PCDHGA12: variants seen among roughly 807,000 people sequenced by gnomAD.
PCDHGA12 encodes the protein protocadherin gamma subfamily A, 12, also known as protocadherin gamma-A12.
Under a neutral mutation model 61.1 loss-of-function variants are expected in PCDHGA12, and 43 were observed. That is an observed-to-expected ratio of 0.70 (90% CI 0.55 to 0.91). The LOEUF (loss-of-function observed/expected upper bound fraction) is 0.91. Ranked by LOEUF, PCDHGA12 falls within the 40% of genes least tolerant of loss-of-function variation. The probability of loss-of-function intolerance (pLI) is 0.00; values close to 1 mark genes in which losing one functional copy is unlikely to be tolerated. For synonymous variants in PCDHGA12, 520 were observed against 542.9 expected, an observed-to-expected ratio of 0.96 and a Z score of 0.59; for missense variants, 1,236 against 1,227.7, an observed-to-expected ratio of 1.01 and a Z score of -0.10.
intron 1 of PCDHGA12, chr5:141,478,713 G>A (rs745990290): frequency 1.9e-6 from 3 of 1,546,642 alleles, no homozygotes; most frequent in African/African-American, 2.7e-5. Context: ...TTGTGAGATG[G>A]TGGCCTGCCA....
In PCDHGA12 at chr5:141,433,177, A is replaced by T; in HGVS notation, c.2418A>T (p.Leu806Phe). 1.9e-6 allele frequency: 3 copies of T among 1,608,174 alleles called. No homozygotes were observed. The Middle Eastern group carries it at 5.0e-4, about 267-fold the overall frequency. Reference sequence around the variant, plus strand: ...TATTTTCTAAAGACAGTCATGGGTTAATTGAGGTGAGTTTATATCAAATCT... The same window carrying T: ...TATTTTCTAAAGACAGTCATGGGTTTATTGAGGTGAGTTTATATCAAATCT... Reference protein sequence around the residue: ...DSVFSKDSHGLIEQAPPNTDW... With the variant: ...DSVFSKDSHGFIEQAPPNTDW... Residue 806 changes from leucine to phenylalanine, a missense_variant, in exon 1 of 4, where the codon TTA becomes TTT. By Grantham distance (22) the Leu-to-Phe change is conservative. Coordinates refer to ENST00000252085, the MANE Select transcript of PCDHGA12 (RefSeq NM_003735.3).
At position 141,486,837 on chromosome 5, in the gene PCDHGA12, T is replaced by G; in HGVS notation, c.2425-7970T>G. The G allele has an allele frequency of 6.2e-7, 1 of 1,614,256 alleles. No individual in the cohort carries two copies. The highest frequency in any genetic ancestry group is 8.5e-7 in the Non-Finnish European group (1 of 1,180,044). ...AGCACTGTAACAGTTCGTCTATTTG[T>G]GCTGGACCTCAATGACAATGCTCCA... On this transcript the variant is annotated intron_variant, in intron 1 of 3. Transcript: ENST00000252085. The surrounding 1 kb of genome is among the most constrained non-coding windows in gnomAD (Gnocchi z 5.0).
chr5:141,471,925 G>A (rs1371923375), intron 1 of PCDHGA12, among the ~76,000 whole-genome samples: 1 of 152,076 alleles, frequency 6.6e-6, no homozygotes, highest in Non-Finnish European at 1.5e-5. Flanking sequence ...AAATTTTGGG[G>A]GTGATGAGAG....
intron 3 of PCDHGA12, among the ~76,000 whole-genome samples, chr5:141,508,848 TC>T (rs1390332366): frequency 6.6e-5 from 10 of 151,752 alleles, no homozygotes. Context: ...CCCCTTCCAT[TC>T]CCAGGCTGGG....
Position 141,477,209 on chromosome 5 carries a change from GC to G in PCDHGA12, c.2425-17594del. On this transcript the variant is annotated intron_variant, in intron 1 of 3. Transcript: ENST00000252085. The surrounding 1 kb of genome is among the most constrained non-coding windows in gnomAD (Gnocchi z 4.9). Reference sequence around the variant, plus strand: ...CGTGTACAGCCCAGTACCCGAGGATGCCCCTCTGGGGACTGTCATCGCTTTG... The same window carrying G: ...CGTGTACAGCCCAGTACCCGAGGATGCCCTCTGGGGACTGTCATCGCTTTG... The G allele has an allele frequency of 6.2e-7, 1 of 1,614,194 alleles. No homozygotes were observed. Among genetic ancestry groups the G allele is most frequent in the Non-Finnish European group, 8.5e-7 (1 of 1,180,038 alleles).
chr5:141,484,924 T>C (rs1453592037), intron 1 of PCDHGA12: 7 of 484,872 alleles, frequency 1.4e-5, no homozygotes, highest in Non-Finnish European at 2.2e-5. Context: ...ACCCTGCTGC[T>C]GTTGGGACGT....
At chr5:141,438,631 TATATACACAC>T (rs1330021858) in intron 1 of PCDHGA12, among the ~76,000 whole-genome samples, 2,835 of 42,824 alleles carry the variant, frequency 0.066, 23 homozygotes, top group African/African-American at 0.13. Flanking sequence ...TATATATATA[TATATACACAC>T]ACACACACAC....
chr5:141,457,417 CTTTT>C (rs894846890), intron 1 of PCDHGA12, among the ~76,000 whole-genome samples: 4 of 152,180 alleles, frequency 2.6e-5, no homozygotes, highest in Admixed American at 2.6e-4. Context: ...TTACCCATCC[CTTTT>C]TCCCCCCCAC....
chr5:141,435,194 C>G (rs538114313), intron 1 of PCDHGA12, among the ~76,000 whole-genome samples: 85 of 152,214 alleles, frequency 5.6e-4, no homozygotes, highest in Middle Eastern at 6.8e-3. Flanking sequence ...AGATGGCTAG[C>G]AAATTCATAA....
chr5:141,505,302 G>GTAC, intron 2 of PCDHGA12, 91 bp from the exon 3 acceptor site: 5 of 1,592,714 alleles, frequency 3.1e-6, no homozygotes, highest in Non-Finnish European at 4.3e-6. Context: ...TAGGGTTAGG[G>GTAC]TACTAGGTTT....
Position 141,487,622 on chromosome 5 carries a change from C to A in PCDHGA12, c.2425-7185C>A. 1 of 1,614,174 alleles carries A rather than the reference C, an allele frequency of 6.2e-7. No homozygotes were observed. Among genetic ancestry groups the A allele is most frequent in the Non-Finnish European group, 8.5e-7 (1 of 1,180,030 alleles). ...TCTTCTCTATGGGCTAGAGGTGAGACCTTTGCAGGCTCAACAAATGCTTGA... is the reference window on the plus strand; with the variant it reads ...TCTTCTCTATGGGCTAGAGGTGAGAACTTTGCAGGCTCAACAAATGCTTGA... On this transcript the variant is annotated intron_variant, in intron 1 of 3. Transcript: ENST00000252085. The surrounding 1 kb of genome is among the most constrained non-coding windows in gnomAD (Gnocchi z 5.0).
At chr5:141,454,344 G>A (rs1455147295) in intron 1 of PCDHGA12, among the ~76,000 whole-genome samples, 3 of 152,236 alleles carry the variant, frequency 2.0e-5, no homozygotes, top group Non-Finnish European at 4.4e-5. Flanking sequence ...AATGTTGGAA[G>A]TTGATCCAAA....
At chr5:141,510,322 A>G (rs62379243) in intron 3 of PCDHGA12, among the ~76,000 whole-genome samples, 36,300 of 150,290 alleles carry the variant, frequency 0.24, 4,456 homozygotes, top group Admixed American at 0.32. Flanking sequence ...TTGGAAGAGC[A>G]CTCTTCACCC....
intron 2 of PCDHGA12, among the ~76,000 whole-genome samples, chr5:141,501,890 A>G (rs1046816316): frequency 6.6e-6 from 1 of 151,980 alleles, no homozygotes; most frequent in Non-Finnish European, 1.5e-5. Flanking sequence ...CCTGATCATC[A>G]TGGTTCCAAC....
At chr5:141,478,864 A>G in intron 1 of PCDHGA12, 1 of 1,322,156 alleles carries the variant, frequency 7.6e-7, no homozygotes, top group Non-Finnish European at 1.0e-6. Flanking sequence ...GATCTCAGCG[A>G]TCAGAGTTTA....
rs778052844 is a variant in PCDHGA12, at chr5:141,486,259, T to C, written c.2425-8548T>C. ...CAGAGCTTGGAACCCTCCCCGAGAG[T>C]GCAGAACCTGGCACTGTGGTGGCAC... is the stretch of plus-strand genomic sequence containing the variant. On this transcript the variant is annotated intron_variant, in intron 1 of 3. Coordinates refer to ENST00000252085, the MANE Select transcript of PCDHGA12 (RefSeq NM_003735.3). This position sits in a 1 kb window ranked among gnomAD's most constrained non-coding sequence, Gnocchi z 5.0. 1 of 1,613,204 alleles carries C rather than the reference T, an allele frequency of 6.2e-7. No individual in the cohort carries two copies. The highest frequency in any genetic ancestry group is 8.5e-7 in the Non-Finnish European group (1 of 1,179,716).
At chr5:141,473,966 G>A (rs1268822103) in intron 1 of PCDHGA12, among the ~76,000 whole-genome samples, 3 of 152,174 alleles carry the variant, frequency 2.0e-5, no homozygotes, top group Non-Finnish European at 4.4e-5. Context: ...CTACTTAGAA[G>A]TCTGAGGCGG....
At chr5:141,506,188 C>T (rs925159785) in intron 3 of PCDHGA12, among the ~76,000 whole-genome samples, 2 of 152,058 alleles carry the variant, frequency 1.3e-5, no homozygotes, top group African/African-American at 4.8e-5. Flanking sequence ...TGGTGGCTCA[C>T]GCCTGTAATC....
intron 1 of PCDHGA12, among the ~76,000 whole-genome samples, chr5:141,479,965 T>C (rs2099510479): frequency 6.6e-6 from 1 of 152,234 alleles, no homozygotes; most frequent in East Asian, 1.9e-4. Context: ...GTTAGTCAAA[T>C]GAGGTTCTAC....
Sources: allele counts gnomAD v4.1 joint callset (sites outside exome capture counted in the v4.1 genomes callset), GRCh38; gene constraint gnomAD v4.1.1; non-coding constraint Gnocchi (gnomAD v3.1); transcripts MANE v1.5; gene names NCBI Gene and HGNC (gene_info 2026-07-23, HGNC 2026-07-21).